Variants in RNF185 observed in about 807,000 individuals in gnomAD.
RNF185 encodes the protein E3 ubiquitin-protein ligase RNF185.
Under a neutral mutation model 24.9 loss-of-function variants are expected in RNF185, and 13 were observed. That is an observed-to-expected ratio of 0.52 (90% CI 0.34 to 0.83). The LOEUF is 0.83. RNF185 is among the 40% of genes least tolerant of loss of function. The probability of loss-of-function intolerance (pLI) is 0.01; values close to 1 mark genes in which losing one functional copy is unlikely to be tolerated. For synonymous variants in RNF185, 79 were observed against 90.3 expected (o/e 0.88, Z 0.71); for missense variants, 184 against 244.7 (o/e 0.75, Z 1.65).
intron 4 of RNF185, among the ~76,000 whole-genome samples, 193 bp from the exon 5 acceptor site, chr22:31,196,743 T>C (rs149103862): frequency 3.9e-5 from 6 of 152,338 alleles, no homozygotes; most frequent in Admixed American, 6.5e-5. Context: ...TCCCTGGTTC[T>C]CTATACACGT....
chr22:31,168,606 G>A (rs1008591150), intron 1 of RNF185, among the ~76,000 whole-genome samples: 3 of 152,120 alleles, frequency 2.0e-5, no homozygotes, highest in Non-Finnish European at 4.4e-5. Context: ...GGATCATATG[G>A]TAGTTCAGTT....
At chr22:31,168,584 G>A (rs1417597257) in intron 1 of RNF185, among the ~76,000 whole-genome samples, 1 of 152,168 alleles carries the variant, frequency 6.6e-6, no homozygotes, top group Non-Finnish European at 1.5e-5. Flanking sequence ...CATACCTAGA[G>A]GTAGAATTGC....
intron 2 of RNF185, among the ~76,000 whole-genome samples, chr22:31,189,679 C>T (rs2048137425): frequency 1.3e-5 from 2 of 150,694 alleles, no homozygotes; most frequent in Non-Finnish European, 2.9e-5. Context: ...AATCTCGGCT[C>T]ACTGCAATCT....
At chr22:31,177,498 A>G (rs1168122038) in intron 1 of RNF185, among the ~76,000 whole-genome samples, 1 of 152,162 alleles carries the variant, frequency 6.6e-6, no homozygotes, top group East Asian at 1.9e-4. Flanking sequence ...AAGCTGGTTT[A>G]TGTGTTTCCA....
At position 31,184,092 on chromosome 22, in the gene RNF185, G is replaced by T. The variant is rs12168077; in HGVS notation, c.-48-2955G>T. ...CCCTTCCCGGACGGGGCGGCTGGCCGGGCGGGGGCTGCCCACCACCTCCTG... is the reference window on the plus strand; with the variant it reads ...CCCTTCCCGGACGGGGCGGCTGGCCTGGCGGGGGCTGCCCACCACCTCCTG... On this transcript the variant is annotated intron_variant, in intron 1 of 6. Transcript: ENST00000326132. Among the ~76,000 whole-genome samples, 1,153 of 150,894 alleles carry T rather than the reference G, an allele frequency of 7.6e-3. 22 individuals are homozygous for T. The highest frequency in any genetic ancestry group is 0.026 in the African/African-American group (1,078 of 41,164).
At chr22:31,197,030 A>T (rs374430382) in intron 5 of RNF185, 40 bp downstream of exon 5, 2 of 1,612,552 alleles carry the variant, frequency 1.2e-6, no homozygotes, top group African/African-American at 2.7e-5. Flanking sequence ...AAATGAGCTG[A>T]TGGCTTTAGA....
chr22:31,179,389 C>G (rs760213306), intron 1 of RNF185, among the ~76,000 whole-genome samples: 1 of 152,140 alleles, frequency 6.6e-6, no homozygotes, highest in Non-Finnish European at 1.5e-5. Flanking sequence ...TACTGAGATT[C>G]CTGTGCATAG....
intron 1 of RNF185, among the ~76,000 whole-genome samples, chr22:31,166,774 C>T (rs533298049): frequency 2.0e-5 from 3 of 152,090 alleles, no homozygotes; most frequent in South Asian, 2.1e-4. Context: ...CTCAGCCTCC[C>T]GAGTAGCTGG....
intron 2 of RNF185, among the ~76,000 whole-genome samples, chr22:31,188,988 T>C (rs1232745330): frequency 7.0e-6 from 1 of 142,328 alleles, no homozygotes; most frequent in Middle Eastern, 3.8e-3. Context: ...TAGCCGGGTG[T>C]GGTGGAGTGC....
rs1391043044 is a variant in RNF185 at position 31,205,648 on chromosome 22, A to G, written c.*1062A>G. ...TTTATGAAGAGGCAAGGAAAGGGGA[A>G]ACCCACATGTGACCCTGATTTTGGT... On this transcript the variant is annotated 3_prime_UTR_variant, in exon 7 of 7. Transcript: ENST00000326132. The G allele has an allele frequency of 1.3e-5, 2 of 152,192 alleles. No individual in the cohort carries two copies. Among genetic ancestry groups the G allele is most frequent in the African/African-American group, 2.4e-5 (1 of 41,424 alleles). 9.4% of individuals were successfully genotyped at this position (152,192 alleles called of 1,614,324 possible).
At chr22:31,170,244 A>G (rs1230462347) in intron 1 of RNF185, among the ~76,000 whole-genome samples, 4 of 151,994 alleles carry the variant, frequency 2.6e-5, no homozygotes, top group Non-Finnish European at 5.9e-5. Flanking sequence ...GCTGGAGTGC[A>G]GTGGTGCAAT....
chr22:31,186,997 G>T (rs1310581240), intron 1 of RNF185, 50 bp from the exon 2 acceptor site: 16 of 1,260,170 alleles, frequency 1.3e-5, no homozygotes, highest in African/African-American at 1.5e-5. Flanking sequence ...CATGGAAGCT[G>T]GGGGGAGAGG....
intron 2 of RNF185, among the ~76,000 whole-genome samples, chr22:31,188,535 C>G (rs1428640234): frequency 6.6e-6 from 1 of 152,080 alleles, no homozygotes; most frequent in Non-Finnish European, 1.5e-5. Flanking sequence ...AAAATGTGTA[C>G]AGCTATTATG....
At position 31,184,996 on chromosome 22, in the gene RNF185, A is replaced by T. The variant is rs373293511; in HGVS notation, c.-48-2051A>T. Among the ~76,000 whole-genome samples, 925 of 130,846 alleles carry T rather than the reference A, an allele frequency of 7.1e-3. 6 individuals are homozygous for T. Among genetic ancestry groups the T allele is most frequent in the African/African-American group, 0.021 (802 of 38,258 alleles). The allele number at this position is 130,846 out of a possible 152,430, so 85.8% of individuals were successfully genotyped here. A position where few individuals can be genotyped will look rare whatever the true frequency, so the allele number is the denominator to read the frequency against. On this transcript the variant is annotated intron_variant, in intron 1 of 6. Coordinates refer to ENST00000326132, the MANE Select transcript of RNF185 (RefSeq NM_152267.4). ...TTTTTTAAGATTTTTTTTTTTTTTT[A>T]AAAAGAAACACACATAGGTTGGGTA...
intron 4 of RNF185, among the ~76,000 whole-genome samples, chr22:31,195,791 C>G (rs2048200193): frequency 6.6e-6 from 1 of 152,226 alleles, no homozygotes; most frequent in Non-Finnish European, 1.5e-5. Context: ...ACAGACATCA[C>G]AATCACAAGT....
intron 1 of RNF185, among the ~76,000 whole-genome samples, chr22:31,183,643 C>T (rs2048062471): frequency 6.6e-6 from 1 of 152,128 alleles, no homozygotes. Context: ...TTGCACCGCC[C>T]TTAATCCATT....
intron 1 of RNF185, among the ~76,000 whole-genome samples, chr22:31,183,859 G>T (rs548815680): frequency 4.6e-5 from 7 of 152,074 alleles, no homozygotes; most frequent in Non-Finnish European, 5.9e-5. Flanking sequence ...CGACAAAACC[G>T]CTATTGTCAT....
chr22:31,189,051 G>A (rs1389081634), intron 2 of RNF185, among the ~76,000 whole-genome samples: 3 of 149,826 alleles, frequency 2.0e-5, no homozygotes, highest in Non-Finnish European at 4.4e-5. Flanking sequence ...GCGTGAACCC[G>A]GGAGGCAGAG....
At chr22:31,186,883 T>C (rs62237400) in intron 1 of RNF185, among the ~76,000 whole-genome samples, 164 bp from the exon 2 acceptor site, 12,988 of 152,208 alleles carry the variant, frequency 0.085, 847 homozygotes, top group East Asian at 0.4. Context: ...TCACTGCCCT[T>C]TGGGTAGTGC....
Sources: allele counts gnomAD v4.1 joint callset (sites outside exome capture counted in the v4.1 genomes callset), GRCh38; gene constraint gnomAD v4.1.1; transcripts MANE v1.5; gene names NCBI Gene and HGNC (gene_info 2026-07-23, HGNC 2026-07-21).